Variants in KLHL32 observed in about 807,000 individuals in gnomAD.
KLHL32 encodes kelch-like protein 32.
A neutral mutation model predicts 64.8 loss-of-function variants in KLHL32; 35 were observed. That is an observed-to-expected ratio of 0.54 (90% CI 0.41 to 0.72). The LOEUF is 0.72. KLHL32 is among the 30% of genes least tolerant of loss of function. The probability of loss-of-function intolerance (pLI) is 0.00; values close to 1 mark genes in which losing one functional copy is unlikely to be tolerated. For missense variants in KLHL32, 589 were observed against 768.5 expected (o/e 0.77, Z 2.76); for synonymous variants, 259 against 281.0 (o/e 0.92, Z 0.78).
intron 7 of KLHL32, among the ~76,000 whole-genome samples, chr6:97,116,570 C>T (rs1015516743): frequency 3.9e-5 from 6 of 152,190 alleles, no homozygotes; most frequent in African/African-American, 7.2e-5. Flanking sequence ...ATGAATTTCT[C>T]ATAAATATTT....
intron 3 of KLHL32, among the ~76,000 whole-genome samples, chr6:96,990,047 G>A (rs115343885): frequency 0.012 from 1,760 of 152,212 alleles, 37 homozygotes; most frequent in African/African-American, 0.041. Context: ...CCTGAATTGT[G>A]ATGATCTTCA....
At chr6:97,041,886 A>G (rs1785174983) in intron 4 of KLHL32, among the ~76,000 whole-genome samples, 1 of 151,968 alleles carries the variant, frequency 6.6e-6, no homozygotes, top group African/African-American at 2.4e-5. Flanking sequence ...AGAGTTTGCA[A>G]GATAATGGAT....
chr6:96,943,293 C>G lies in KLHL32; in HGVS notation c.-66+18267C>G, dbSNP rs545648775. On this transcript the variant is annotated intron_variant, in intron 1 of 10. Coordinates refer to ENST00000369261, the MANE Select transcript of KLHL32 (RefSeq NM_052904.4). The stretch of plus-strand genomic sequence containing the variant: ...TGGTAAATGCAGAGTTCATATTCCT[C>G]TAGAACCAGCTCTTAAAGGGTTGGT... 2.0e-5 allele frequency among the ~76,000 whole-genome samples: 3 copies of G among 152,030 alleles called. No homozygotes were observed. In the East Asian group the frequency reaches 5.8e-4, roughly 29 times the overall value.
chr6:97,077,575 C>A (rs1260713981), intron 5 of KLHL32, among the ~76,000 whole-genome samples: 1 of 152,142 alleles, frequency 6.6e-6, no homozygotes, highest in Non-Finnish European at 1.5e-5. Context: ...CACAAGAGGG[C>A]ATTCCATTTT....
chr6:97,116,995 T>C (rs1472395759), intron 7 of KLHL32, among the ~76,000 whole-genome samples: 1 of 152,228 alleles, frequency 6.6e-6, no homozygotes, highest in Non-Finnish European at 1.5e-5. Flanking sequence ...CTCACTTTGC[T>C]GTGTACAGTA....
Position 97,064,676 on chromosome 6 carries a change from C to T in KLHL32, c.361C>T (p.His121Tyr), listed in dbSNP as rs1241860970. Reference protein sequence around the residue: ...VIQDVLAAGSHLQLLELLNLC... With the variant: ...VIQDVLAAGSYLQLLELLNLC... ...CCAGGATGTGCTAGCAGCGGGCAGT[C>T]ACCTACAGCTGTTGGAGCTTCTCAA... The change falls in exon 5 of 11, where the codon CAC (histidine) becomes TAC (tyrosine). Residue 121 changes from histidine to tyrosine, a missense_variant. Around this residue, in one of 3 missense-constraint regions of KLHL32, gnomAD observed 191 missense variants for 223.3 expected, o/e 0.86. Transcript: ENST00000369261. 3 of 1,614,184 alleles carry T rather than the reference C, an allele frequency of 1.9e-6. No individual in the cohort carries two copies. The highest frequency in any genetic ancestry group is 2.5e-6 in the Non-Finnish European group (3 of 1,180,024).
intron 6 of KLHL32, among the ~76,000 whole-genome samples, chr6:97,112,616 T>G (rs1438872159): frequency 1.3e-5 from 2 of 151,994 alleles, no homozygotes; most frequent in Admixed American, 6.6e-5. Flanking sequence ...CCAGCTAATT[T>G]TTGTAGTCTT....
chr6:96,926,024 A>G (rs1022644716), intron 1 of KLHL32, among the ~76,000 whole-genome samples: 3 of 152,122 alleles, frequency 2.0e-5, no homozygotes, highest in African/African-American at 7.2e-5. Context: ...AGGTCAGCCT[A>G]ATACCTGGGC....
At chr6:96,904,860 T>C in the KLHL32 span, among the ~76,000 whole-genome samples, 1 of 152,184 alleles carries the variant, frequency 6.6e-6, no homozygotes, top group Non-Finnish European at 1.5e-5. Flanking sequence ...AGGATATAAT[T>C]CTTTCCCCAT....
At chr6:97,125,311 G>A (rs535372244) in intron 7 of KLHL32, among the ~76,000 whole-genome samples, 15 of 152,228 alleles carry the variant, frequency 9.9e-5, no homozygotes, top group Non-Finnish European at 2.2e-4. Flanking sequence ...GCTCAGTTAA[G>A]GATTAGACAC....
At chr6:96,998,514 C>T (rs1449203112) in intron 3 of KLHL32, among the ~76,000 whole-genome samples, 2 of 152,172 alleles carry the variant, frequency 1.3e-5, no homozygotes, top group Admixed American at 1.3e-4. Flanking sequence ...TTTATGGTTA[C>T]TGTAAGCATA....
At chr6:96,909,587 C>T in the KLHL32 span, among the ~76,000 whole-genome samples, 2 of 152,210 alleles carry the variant, frequency 1.3e-5, no homozygotes, top group African/African-American at 2.4e-5. Context: ...CAGAAACAGA[C>T]TCAGCAGAGA....
At chr6:97,024,910 A>G in intron 3 of KLHL32, 1 of 785,226 alleles carries the variant, frequency 1.3e-6, no homozygotes, top group Non-Finnish European at 1.5e-6. Context: ...TTTTTCTGCC[A>G]TATCTTTTCT....
chr6:97,070,162 A>G (rs1448187141), intron 5 of KLHL32, among the ~76,000 whole-genome samples: 1 of 152,190 alleles, frequency 6.6e-6, no homozygotes, highest in Non-Finnish European at 1.5e-5. Flanking sequence ...GCTGTTCCAT[A>G]GTTCACTAGA....
At chr6:97,070,996 T>C (rs144864975) in intron 5 of KLHL32, among the ~76,000 whole-genome samples, 9 of 152,316 alleles carry the variant, frequency 5.9e-5, no homozygotes, top group African/African-American at 2.2e-4. Flanking sequence ...TTCTGCTCCT[T>C]ATTCCATCAG....
intron 6 of KLHL32, among the ~76,000 whole-genome samples, chr6:97,103,791 C>T (rs978389833): frequency 1.2e-4 from 19 of 152,202 alleles, no homozygotes; most frequent in African/African-American, 4.3e-4. Flanking sequence ...CCTTGTTTTT[C>T]TGAAAAGAGA....
chr6:97,127,555 A>G, intron 8 of KLHL32, 93 bp downstream of exon 8: 1 of 958,422 alleles, frequency 1.0e-6, no homozygotes, highest in South Asian at 1.4e-5. Context: ...GTGTACACAC[A>G]CAGATATGCA....
At chr6:97,029,666 TAA>T (rs750293606) in intron 3 of KLHL32, among the ~76,000 whole-genome samples, 2 of 152,094 alleles carry the variant, frequency 1.3e-5, no homozygotes, top group Non-Finnish European at 2.9e-5. Context: ...ATAAAGGAGG[TAA>T]ATAGTCCAAT....
intron 3 of KLHL32, among the ~76,000 whole-genome samples, chr6:96,988,859 A>C (rs1274548503): frequency 1.3e-5 from 2 of 152,166 alleles, no homozygotes; most frequent in Non-Finnish European, 2.9e-5. Flanking sequence ...CAAGGACAAA[A>C]AACCAAACAC....
Sources: allele counts gnomAD v4.1 joint callset (sites outside exome capture counted in the v4.1 genomes callset), GRCh38; gene constraint gnomAD v4.1.1; regional missense constraint gnomAD v4.1.1; transcripts MANE v1.5; gene names NCBI Gene and HGNC (gene_info 2026-07-23, HGNC 2026-07-21).